The following CNNM1 variants were observed in gnomAD, a reference collection of about 807,000 sequenced individuals.
CNNM1 encodes cyclin and CBS domain divalent metal cation transport mediator 1.
A neutral mutation model predicts 78.8 loss-of-function variants in CNNM1; 44 were observed. The ratio of observed to expected loss-of-function variants is 0.56; its 90% CI spans 0.44 to 0.72. The LOEUF is 0.72. Ranked by LOEUF, CNNM1 falls within the 30% of genes least tolerant of loss-of-function variation. CNNM1 has a pLI of 0.00. For missense variants in CNNM1, 1,101 were observed against 1,292.2 expected (o/e 0.85, Z 2.27); for synonymous variants, 584 against 581.5 (o/e 1.00, Z -0.06).
At chr10:99,386,491 G>A (rs778377614) in intron 7 of CNNM1, among the ~76,000 whole-genome samples, 1 of 152,202 alleles carries the variant, frequency 6.6e-6, no homozygotes. Context: ...ACTCAAATGG[G>A]CAGTAGTATA....
At chr10:99,376,856 A>G (rs2031977846) in intron 6 of CNNM1, among the ~76,000 whole-genome samples, 199 bp from the exon 7 acceptor site, 1 of 152,090 alleles carries the variant, frequency 6.6e-6, no homozygotes, top group African/African-American at 2.4e-5. Flanking sequence ...AACATCAACA[A>G]AGCAGCTCAG....
chr10:99,347,677 A>T (rs950807804), intron 1 of CNNM1, among the ~76,000 whole-genome samples: 1 of 151,198 alleles, frequency 6.6e-6, no homozygotes, highest in East Asian at 2.0e-4. Context: ...GCTCTATCAC[A>T]TTGGCACCTC....
intron 1 of CNNM1, among the ~76,000 whole-genome samples, chr10:99,354,268 C>T (rs2031050852): frequency 6.6e-6 from 1 of 152,154 alleles, no homozygotes; most frequent in African/African-American, 2.4e-5. Flanking sequence ...ATTTAAGCTA[C>T]AAAGTACTTT....
chr10:99,329,745 C>G lies in CNNM1; in HGVS notation c.358C>G (p.Pro120Ala), dbSNP rs1306529987. Reference sequence around the variant, plus strand: ...GCCCCCGGGCGGTGGCGGCGTGGCCCCCAGCGCGGTCCCCACTCGCCCCCC... The same window carrying G: ...GCCCCCGGGCGGTGGCGGCGTGGCCGCCAGCGCGGTCCCCACTCGCCCCCC... ...EEPPGGGGVA[P>A]SAVPTRPPGP... Residue 120 changes from proline to alanine, a missense_variant, in exon 1 of 11, where the codon CCC becomes GCC. Around this residue, in one of 3 missense-constraint regions of CNNM1, gnomAD observed 476 missense variants for 484.5 expected, o/e 0.98. Coordinates refer to ENST00000356713, the MANE Select transcript of CNNM1 (RefSeq NM_020348.3). 2.7e-6 allele frequency: 4 copies of G among 1,503,390 alleles called. No individual in the cohort carries two copies. The highest frequency in any genetic ancestry group is 3.5e-6 in the Non-Finnish European group (4 of 1,135,618). 93.1% of individuals were successfully genotyped at this position (1,503,390 alleles called of 1,614,324 possible).
rs1236368107 is a variant in CNNM1 at position 99,362,216 on chromosome 10, C to T, written c.1859-11C>T. The T allele has an allele frequency of 6.3e-7, 1 of 1,597,982 alleles. No individual in the cohort carries two copies. Among genetic ancestry groups the T allele is most frequent in the East Asian group, 2.3e-5 (1 of 44,368 alleles). On this transcript the variant is annotated splice_polypyrimidine_tract_variant and intron_variant, in intron 3 of 10. Transcript: ENST00000356713. ...ATGCTGATTCCTCCCTTCCCACTCA[C>T]TCTCCTCTAGAAGTGGAGCCCTTTA...
At position 99,362,345 on chromosome 10, in the gene CNNM1, C is replaced by T; in HGVS notation, c.1977C>T (p.His659=). 5 of 1,614,030 alleles carry T rather than the reference C, an allele frequency of 3.1e-6. No homozygotes were observed. The highest frequency in any genetic ancestry group is 3.4e-6 in the Non-Finnish European group (4 of 1,179,874). The change falls in exon 4 of 11, where the codon CAC becomes CAT. Residue 659 remains histidine (H), a synonymous_variant. Transcript: ENST00000356713. ...AGAAGAACAAGAAGGCCCCGGAACA[C>T]TACCTCTACCAGCGCAACCGCCCTG... ...FDEKNKKAPE[H]YLYQRNRPVD... is the part of the protein sequence containing the mutation.
In CNNM1 at chr10:99,387,869, G is replaced by T; in HGVS notation, c.2390G>T (p.Ser797Ile). The T allele has an allele frequency of 6.2e-7, 1 of 1,613,250 alleles. No individual in the cohort carries two copies. The highest frequency in any genetic ancestry group is 1.1e-5 in the South Asian group (1 of 90,928). The change falls in exon 8 of 11, where the codon AGC becomes ATC. Residue 797 changes from serine (S) to isoleucine (I), a missense_variant. Ser to Ile is a moderately radical substitution (Grantham distance 142). This residue lies in a region of CNNM1 where 348 missense variants were observed against 384.5 expected (regional missense o/e 0.90). Coordinates refer to ENST00000356713, the MANE Select transcript of CNNM1 (RefSeq NM_020348.3). ...GCACTCACTGCCTGCCACATGGACA[G>T]CTCACCTCAGTCCCCTGACATGGAG... ...QNALTACHMD[S>I]SPQSPDMEAF...
At chr10:99,336,821 G>A (rs1248834299) in intron 1 of CNNM1, among the ~76,000 whole-genome samples, 1 of 152,114 alleles carries the variant, frequency 6.6e-6, no homozygotes, top group Non-Finnish European at 1.5e-5. Context: ...ACAAAAATTA[G>A]CCGGGCAGTA....
intron 1 of CNNM1, among the ~76,000 whole-genome samples, chr10:99,339,798 G>C (rs924848120): frequency 6.6e-6 from 1 of 152,140 alleles, no homozygotes; most frequent in African/African-American, 2.4e-5. Context: ...GAATAATCTA[G>C]TCCAAAATGC....
chr10:99,330,974 T>C lies in CNNM1; in HGVS notation c.1573+14T>C, dbSNP rs1204412422. ...AGTTTAAGAAGGGTGAGCAGTAGTC[T>C]ATCTTCTCCCCCAACTCCTATCCCC... On this transcript the variant is annotated intron_variant, in intron 1 of 10. Coordinates refer to ENST00000356713, the MANE Select transcript of CNNM1 (RefSeq NM_020348.3). 2 of 1,595,766 alleles carry C rather than the reference T, an allele frequency of 1.3e-6. No individual in the cohort carries two copies. The highest frequency in any genetic ancestry group is 1.7e-6 in the Non-Finnish European group (2 of 1,171,686).
chr10:99,340,184 C>T (rs2134018597), intron 1 of CNNM1, among the ~76,000 whole-genome samples: 1 of 152,192 alleles, frequency 6.6e-6, no homozygotes, highest in African/African-American at 2.4e-5. Flanking sequence ...TAAACATTTT[C>T]ATTGTGATTG....
chr10:99,344,924 T>C (rs901579099), intron 1 of CNNM1, among the ~76,000 whole-genome samples: 2 of 152,206 alleles, frequency 1.3e-5, no homozygotes, highest in African/African-American at 4.8e-5. Context: ...TAGCTCAGCA[T>C]GCCTTCCTGC....
At chr10:99,390,869 G>A (rs904257069) in intron 10 of CNNM1, among the ~76,000 whole-genome samples, 5 of 152,232 alleles carry the variant, frequency 3.3e-5, no homozygotes, top group Non-Finnish European at 2.9e-5. Context: ...GGAAGTCAAT[G>A]GTGGAGAGAA....
At chr10:99,371,701 G>A (rs559758044) in intron 6 of CNNM1, among the ~76,000 whole-genome samples, 4 of 152,284 alleles carry the variant, frequency 2.6e-5, no homozygotes, top group African/African-American at 9.6e-5. Flanking sequence ...AAGTGAATGA[G>A]TTCATCTGGG....
At chr10:99,389,416 CAAA>C (rs56180037) in intron 9 of CNNM1, among the ~76,000 whole-genome samples, 81 of 83,982 alleles carry the variant, frequency 9.6e-4, no homozygotes, top group African/African-American at 2.7e-3. Flanking sequence ...GATTCCATCT[CAAA>C]AAAAAAAAAA....
Position 99,330,619 on chromosome 10 carries a change from T to A in CNNM1, c.1232T>A (p.Val411Glu). 1 of 1,613,746 alleles carries A rather than the reference T, an allele frequency of 6.2e-7. No homozygotes were observed. Among genetic ancestry groups the A allele is most frequent in the Non-Finnish European group, 8.5e-7 (1 of 1,179,826 alleles). Residue 411 changes from valine (V) to glutamate (E), a missense_variant, in exon 1 of 11, where the codon GTG becomes GAG. Val to Glu is a moderately radical substitution (Grantham distance 121, BLOSUM62 -2). Coordinates refer to ENST00000356713, the MANE Select transcript of CNNM1 (RefSeq NM_020348.3). Reference protein sequence around the residue: ...LRAADPYSDLVKEELNIIQGA... With the variant: ...LRAADPYSDLEKEELNIIQGA... Reference sequence around the variant, plus strand: ...GCCGCAGACCCCTACAGTGACCTGGTGAAGGAGGAGCTCAACATCATACAG... The same window carrying A: ...GCCGCAGACCCCTACAGTGACCTGGAGAAGGAGGAGCTCAACATCATACAG...
intron 1 of CNNM1, among the ~76,000 whole-genome samples, chr10:99,331,598 G>A (rs2029911740): frequency 6.6e-6 from 1 of 152,158 alleles, no homozygotes; most frequent in African/African-American, 2.4e-5. Context: ...CGGGCGCGGC[G>A]GCTCATGCTT....
At chr10:99,364,557 T>A (rs1380208681) in intron 5 of CNNM1, 41 bp downstream of exon 5, 1 of 1,510,452 alleles carries the variant, frequency 6.6e-7, no homozygotes, top group Admixed American at 1.9e-5. Flanking sequence ...AGTAATGGGA[T>A]ATGGTAGAAA....
chr10:99,350,872 G>A (rs1306787236), intron 1 of CNNM1, among the ~76,000 whole-genome samples: 1 of 151,934 alleles, frequency 6.6e-6, no homozygotes, highest in Non-Finnish European at 1.5e-5. Context: ...TCTTTGCGGA[G>A]GGGACTGTCC....
Sources: allele counts gnomAD v4.1 joint callset (sites outside exome capture counted in the v4.1 genomes callset), GRCh38; gene constraint gnomAD v4.1.1; regional missense constraint gnomAD v4.1.1; transcripts MANE v1.5; gene names NCBI Gene and HGNC (gene_info 2026-07-23, HGNC 2026-07-21).